Variants in UST observed in about 807,000 individuals in gnomAD.
UST encodes uronyl 2-sulfotransferase, also known as chondroitin sulfate 2-O-sulfotransferase.
In UST, 21 loss-of-function variants were observed where a neutral mutation model predicts 45.6. That is an observed-to-expected ratio of 0.46 (90% CI 0.33 to 0.66). The LOEUF (loss-of-function observed/expected upper bound fraction) is 0.66. Ranked by LOEUF, UST falls within the 30% of genes least tolerant of loss-of-function variation. UST has a pLI of 0.02. For synonymous variants in UST, 215 were observed against 200.6 expected, an observed-to-expected ratio of 1.07 and a Z score of -0.61; for missense variants, 463 against 512.4, an observed-to-expected ratio of 0.90 and a Z score of 0.93.
At position 148,898,006 on chromosome 6, in the gene UST, T is replaced by TA. The variant is rs924206590; in HGVS notation, c.291+10988dup. Among the ~76,000 whole-genome samples, 357 of 148,612 alleles carry TA rather than the reference T, an allele frequency of 2.4e-3. 1 individual carries two copies. Among genetic ancestry groups the TA allele is most frequent in the African/African-American group, 8.1e-3 (331 of 40,810 alleles). Reference sequence around the variant, plus strand: ...AAACCTGACTTTACCAAAAGTCCTTTAAAAAAAAAAATCCTACAAAAGTAC... The same window carrying TA: ...AAACCTGACTTTACCAAAAGTCCTTTAAAAAAAAAAAATCCTACAAAAGTAC... On this transcript the variant is annotated intron_variant, in intron 2 of 7. Transcript: ENST00000367463.
chr6:148,960,701 A>G (rs958365234), intron 4 of UST, among the ~76,000 whole-genome samples: 13 of 152,360 alleles, frequency 8.5e-5, no homozygotes, highest in African/African-American at 3.1e-4. Flanking sequence ...AATGATGAAA[A>G]GGGCAAATAT....
chr6:148,989,210 C>G (rs75829367), intron 5 of UST, among the ~76,000 whole-genome samples: 2 of 62,846 alleles, frequency 3.2e-5, no homozygotes, highest in Non-Finnish European at 5.8e-5. Context: ...TCAGTAAAGG[C>G]CCCCCCCCAC....
chr6:149,026,868 G>C (rs1283483165), intron 7 of UST, among the ~76,000 whole-genome samples: 1 of 152,178 alleles, frequency 6.6e-6, no homozygotes, highest in Non-Finnish European at 1.5e-5. Flanking sequence ...AGCCACAGTA[G>C]GGAATTTACT....
intron 2 of UST, among the ~76,000 whole-genome samples, chr6:148,920,145 G>A (rs1779672507): frequency 6.8e-6 from 1 of 147,490 alleles, no homozygotes; most frequent in African/African-American, 2.7e-5. Flanking sequence ...GCCTGTTATT[G>A]GCTGAAGCTT....
At chr6:148,961,230 T>C (rs1214668803) in intron 4 of UST, among the ~76,000 whole-genome samples, 3 of 152,082 alleles carry the variant, frequency 2.0e-5, no homozygotes, top group Non-Finnish European at 4.4e-5. Flanking sequence ...GTCGAAGAAA[T>C]TGGTAATGCC....
intron 1 of UST, among the ~76,000 whole-genome samples, chr6:148,831,992 G>A (rs1441938308): frequency 3.3e-5 from 5 of 152,046 alleles, no homozygotes; most frequent in Admixed American, 1.3e-4. Context: ...AATATTAATT[G>A]ACTTTACTTA....
chr6:148,903,630 A>T (rs1409313007), intron 2 of UST, among the ~76,000 whole-genome samples: 1 of 151,990 alleles, frequency 6.6e-6, no homozygotes, highest in African/African-American at 2.4e-5. Context: ...AGACGTGCAG[A>T]CAGGCACTAT....
At chr6:148,755,139 C>T (rs1317803045) in intron 1 of UST, among the ~76,000 whole-genome samples, 2 of 152,132 alleles carry the variant, frequency 1.3e-5, no homozygotes, top group Non-Finnish European at 2.9e-5. Flanking sequence ...ATGAGCTCAG[C>T]AGGAGAAAAC....
At chr6:148,962,403 A>G (rs990167581) in intron 4 of UST, among the ~76,000 whole-genome samples, 4 of 152,256 alleles carry the variant, frequency 2.6e-5, no homozygotes, top group Non-Finnish European at 5.9e-5. Context: ...ACATGAACAT[A>G]AAAGAACAGT....
chr6:148,982,282 A>G (rs943591671), intron 5 of UST, among the ~76,000 whole-genome samples: 1 of 152,054 alleles, frequency 6.6e-6, no homozygotes, highest in African/African-American at 2.4e-5. Flanking sequence ...TATTTTTAGT[A>G]GAGTCGGGGT....
chr6:149,039,668 G>T (rs547105674), intron 7 of UST, among the ~76,000 whole-genome samples: 1 of 152,164 alleles, frequency 6.6e-6, no homozygotes, highest in African/African-American at 2.4e-5. Flanking sequence ...TTCCCACCAC[G>T]CTTTGTAGCT....
chr6:149,014,173 C>T (rs903854234), intron 5 of UST, among the ~76,000 whole-genome samples: 2 of 152,152 alleles, frequency 1.3e-5, no homozygotes, highest in Non-Finnish European at 2.9e-5. Context: ...GTGTCCAGGC[C>T]TCCAGCGCAG....
At position 149,039,742 on chromosome 6, in the gene UST, G is replaced by A. The variant is rs11155614; in HGVS notation, c.937+18261G>A. Among the ~76,000 whole-genome samples, 1,429 of 152,282 alleles carry A rather than the reference G, an allele frequency of 9.4e-3. 54 individuals are homozygous for A. The highest frequency in any genetic ancestry group is 0.079 in the South Asian group (379 of 4,820). ...GTGAGAAGGGCCACAACTGAGCAGC[G>A]AGGAAACTGTCGCTGTGGCCCCTTA... On this transcript the variant is annotated intron_variant, in intron 7 of 7. Transcript: ENST00000367463.
At chr6:148,803,680 C>G (rs1351893358) in intron 1 of UST, among the ~76,000 whole-genome samples, 1 of 152,178 alleles carries the variant, frequency 6.6e-6, no homozygotes, top group East Asian at 1.9e-4. Flanking sequence ...ACACTGCCCC[C>G]AAACCCTCAG....
intron 2 of UST, among the ~76,000 whole-genome samples, chr6:148,894,880 C>T (rs553061739): frequency 3.6e-4 from 48 of 133,908 alleles, no homozygotes; most frequent in African/African-American, 1.2e-3. Flanking sequence ...TGTAGTGGCG[C>T]GATCTTGGCT....
At chr6:148,929,675 C>T (rs549524473) in intron 2 of UST, among the ~76,000 whole-genome samples, 3 of 152,136 alleles carry the variant, frequency 2.0e-5, no homozygotes, top group Non-Finnish European at 2.9e-5. Context: ...GTTTGAGTTT[C>T]GTTGGGTTTT....
chr6:148,852,962 C>A lies in UST; in HGVS notation c.248-34024C>A, dbSNP rs151321944. Among the ~76,000 whole-genome samples, 1,039 of 152,268 alleles carry A rather than the reference C, an allele frequency of 6.8e-3. 10 individuals are homozygous for A. Among genetic ancestry groups the A allele is most frequent in the South Asian group, 0.034 (166 of 4,814 alleles). Reference sequence around the variant, plus strand: ...TGAATGAGGACACTTGTCTTCTTTTCTTTTCTTTTAAAATTCTGGGGTACA... The same window carrying A: ...TGAATGAGGACACTTGTCTTCTTTTATTTTCTTTTAAAATTCTGGGGTACA... On this transcript the variant is annotated intron_variant, in intron 1 of 7. Coordinates refer to ENST00000367463, the MANE Select transcript of UST (RefSeq NM_005715.3).
intron 7 of UST, among the ~76,000 whole-genome samples, chr6:149,029,008 G>T (rs1776094436): frequency 6.6e-6 from 1 of 152,090 alleles, no homozygotes; most frequent in Non-Finnish European, 1.5e-5. Flanking sequence ...AATAACCTTT[G>T]TCCAGCAGGT....
chr6:148,859,157 C>T (rs1015998638), intron 1 of UST, among the ~76,000 whole-genome samples: 2 of 152,048 alleles, frequency 1.3e-5, no homozygotes, highest in Non-Finnish European at 2.9e-5. Context: ...CTCTTCAGCA[C>T]CTGTTGTTTC....
Sources: allele counts gnomAD v4.1 joint callset (sites outside exome capture counted in the v4.1 genomes callset), GRCh38; gene constraint gnomAD v4.1.1; transcripts MANE v1.5; gene names NCBI Gene and HGNC (gene_info 2026-07-23, HGNC 2026-07-21).